Variants in SLIT3 observed in about 807,000 individuals in gnomAD.
SLIT3 encodes slit homolog 3 protein.
Under a neutral mutation model 184.0 loss-of-function variants are expected in SLIT3, and 68 were observed. That is an observed-to-expected ratio of 0.37 (90% CI 0.30 to 0.45). The LOEUF (loss-of-function observed/expected upper bound fraction) is 0.45, where lower values mean the gene tolerates loss of function less well. SLIT3 is among the 20% of genes least tolerant of loss of function. The probability of loss-of-function intolerance (pLI) is 1.00; values close to 1 mark genes in which losing one functional copy is unlikely to be tolerated. For missense variants in SLIT3, 1,707 were observed against 2,026.0 expected (o/e 0.84, Z 3.02); for synonymous variants, 831 against 828.6 (o/e 1.00, Z -0.05).
At chr5:169,244,266 G>A (rs757585387) in intron 3 of SLIT3, among the ~76,000 whole-genome samples, 1 of 152,260 alleles carries the variant, frequency 6.6e-6, no homozygotes, top group Non-Finnish European at 1.5e-5. Flanking sequence ...CCCCGCAAGA[G>A]TGGGGCAGAG....
At chr5:169,297,842 C>T (rs1767559096) in intron 1 of SLIT3, among the ~76,000 whole-genome samples, 5 of 152,192 alleles carry the variant, frequency 3.3e-5, no homozygotes, top group Admixed American at 3.3e-4. Context: ...TCAAGCGATC[C>T]TCTCACCTCA....
At chr5:169,106,219 C>T (rs1165556857) in intron 4 of SLIT3, among the ~76,000 whole-genome samples, 3 of 152,154 alleles carry the variant, frequency 2.0e-5, no homozygotes, top group Non-Finnish European at 4.4e-5. Context: ...TGAAGAAAAA[C>T]AAAAACAGGA....
At chr5:168,859,652 T>C (rs531467002) in intron 5 of SLIT3, among the ~76,000 whole-genome samples, 1 of 152,358 alleles carries the variant, frequency 6.6e-6, no homozygotes, top group East Asian at 1.9e-4. Context: ...GAATGGCATA[T>C]TTCTGACAAC....
chr5:169,287,132 A>G (rs991974372), intron 1 of SLIT3, among the ~76,000 whole-genome samples: 3 of 152,114 alleles, frequency 2.0e-5, no homozygotes, highest in Admixed American at 6.5e-5. Flanking sequence ...TTAGAAGGGG[A>G]GGGGTGTTGG....
chr5:168,769,694 C>G (rs1368355), intron 14 of SLIT3, among the ~76,000 whole-genome samples: 48,281 of 151,956 alleles, frequency 0.32, 8,088 homozygotes, highest in East Asian at 0.57. Context: ...GGAAATCCAT[C>G]CTGTTCGTGC....
intron 5 of SLIT3, among the ~76,000 whole-genome samples, chr5:168,847,767 G>A (rs746100398): frequency 1.3e-5 from 2 of 152,168 alleles, no homozygotes; most frequent in South Asian, 2.1e-4. Flanking sequence ...AGAACCTTCC[G>A]AAGCTGAGGC....
intron 6 of SLIT3, among the ~76,000 whole-genome samples, chr5:168,832,246 C>T (rs115164718): frequency 9.0e-4 from 137 of 152,314 alleles, no homozygotes; most frequent in African/African-American, 3.2e-3. Context: ...GAGTGACCTC[C>T]AACTTACATT....
At chr5:169,277,036 G>T (rs977669485) in intron 1 of SLIT3, among the ~76,000 whole-genome samples, 2 of 152,026 alleles carry the variant, frequency 1.3e-5, no homozygotes, top group Non-Finnish European at 2.9e-5. Context: ...CCCCAAACAG[G>T]AACCCTGTAC....
At chr5:169,279,995 C>T (rs1232393156) in intron 1 of SLIT3, among the ~76,000 whole-genome samples, 1 of 152,242 alleles carries the variant, frequency 6.6e-6, no homozygotes, top group Non-Finnish European at 1.5e-5. Context: ...ATCATCAATG[C>T]TACCTTCATT....
At chr5:168,692,887 G>T (rs1452024574) in intron 28 of SLIT3, among the ~76,000 whole-genome samples, 187 bp from the exon 29 acceptor site, 1 of 152,172 alleles carries the variant, frequency 6.6e-6, no homozygotes, top group Non-Finnish European at 1.5e-5. Flanking sequence ...CTCTGCCTTG[G>T]TTTCTTTGGC....
intron 7 of SLIT3, among the ~76,000 whole-genome samples, chr5:168,818,703 G>A (rs895759610): frequency 2.0e-5 from 3 of 152,214 alleles, no homozygotes; most frequent in African/African-American, 4.8e-5. Flanking sequence ...CCCCCTCCAC[G>A]CCTGGAATAG....
chr5:169,195,329 T>C (rs1763706645), intron 3 of SLIT3, among the ~76,000 whole-genome samples: 1 of 152,108 alleles, frequency 6.6e-6, no homozygotes, highest in Non-Finnish European at 1.5e-5. Context: ...AAGCATGTGA[T>C]AGAGAAGCAT....
At chr5:168,842,958 C>T (rs1233660201) in intron 6 of SLIT3, among the ~76,000 whole-genome samples, 3 of 152,210 alleles carry the variant, frequency 2.0e-5, no homozygotes, top group African/African-American at 7.2e-5. Flanking sequence ...CCTGCCTACC[C>T]TTCTCAGCCC....
intron 9 of SLIT3, 142 bp from the exon 10 acceptor site, chr5:168,795,720 A>G: frequency 2.9e-6 from 2 of 687,398 alleles, no homozygotes; most frequent in East Asian, 5.2e-5. Flanking sequence ...AGACCAGACA[A>G]AACACTGCAG....
At chr5:169,045,060 C>T (rs1211183423) in intron 4 of SLIT3, among the ~76,000 whole-genome samples, 1 of 152,170 alleles carries the variant, frequency 6.6e-6, no homozygotes, top group East Asian at 1.9e-4. Flanking sequence ...CGGGGTCATG[C>T]TAAGGTTTCA....
chr5:168,943,567 A>T lies in SLIT3; in HGVS notation c.414-60231T>A, dbSNP rs181237844. Among the ~76,000 whole-genome samples the T allele has an allele frequency of 6.8e-4, 104 of 152,352 alleles. 1 individual carries two copies. Among genetic ancestry groups the T allele is most frequent in the Middle Eastern group, 3.4e-3 (1 of 294 alleles). On this transcript the variant is annotated intron_variant, in intron 4 of 35. Transcript: ENST00000519560. ...AGCTTCTCTAAGTCTCAGTTTCATT[A>T]TCTGTAAAATCAGTATAATAATGCC...
At chr5:169,203,337 G>C (rs527589626) in intron 3 of SLIT3, among the ~76,000 whole-genome samples, 1 of 145,492 alleles carries the variant, frequency 6.9e-6, no homozygotes, top group Non-Finnish European at 1.5e-5. Flanking sequence ...ATATTTATGC[G>C]TGCATGTGAA....
chr5:169,019,690 C>G (rs977678715), intron 4 of SLIT3, among the ~76,000 whole-genome samples: 4 of 152,140 alleles, frequency 2.6e-5, no homozygotes, highest in Non-Finnish European at 5.9e-5. Flanking sequence ...GACTCCTGGG[C>G]CCCAACTCCA....
At chr5:168,943,915 C>T (rs898793706) in intron 4 of SLIT3, among the ~76,000 whole-genome samples, 1 of 152,140 alleles carries the variant, frequency 6.6e-6, no homozygotes, top group Non-Finnish European at 1.5e-5. Flanking sequence ...TGCTTTAAGT[C>T]ACAAACTCTA....
Sources: allele counts gnomAD v4.1 joint callset (sites outside exome capture counted in the v4.1 genomes callset), GRCh38; gene constraint gnomAD v4.1.1; transcripts MANE v1.5; gene names NCBI Gene and HGNC (gene_info 2026-07-23, HGNC 2026-07-21).